The following LSM5 variants were observed in gnomAD, a reference collection of about 807,000 sequenced individuals.
LSM5 encodes the protein LSM5 homolog, U6 small nuclear RNA and mRNA degradation associated.
In LSM5, 8 loss-of-function variants were observed where a neutral mutation model predicts 13.8. That is an observed-to-expected ratio of 0.58 (90% CI 0.34 to 1.04). LSM5 has a LOEUF of 1.04. Among genes scored for constraint, LSM5 ranks in the 50% least tolerant of loss-of-function variants. The pLI is 0.03. For missense variants in LSM5, 80 were observed against 108.1 expected (o/e 0.74, Z 1.15); for synonymous variants, 35 against 37.0 (o/e 0.95, Z 0.20).
Position 32,489,355 on chromosome 7 carries a change from A to C in LSM5, c.47-11T>G. 3.5e-6 allele frequency: 5 copies of C among 1,439,122 alleles called. No homozygotes were observed. Among genetic ancestry groups the C allele is most frequent in the Non-Finnish European group, 4.9e-6 (5 of 1,028,944 alleles). 89.1% of individuals were successfully genotyped at this position (1,439,122 alleles called of 1,614,324 possible). On this transcript the variant is annotated splice_polypyrimidine_tract_variant and intron_variant, in intron 1 of 4. Transcript: ENST00000450169. ...ATTTGTCCACAAGCTCTGAGGAGGG[A>C]AAAAATATTATTTTACCATTCATTA...
chr7:32,486,376 G>C lies in LSM5; in HGVS notation c.*885C>G, dbSNP rs1311128734. 1.3e-5 allele frequency: 2 copies of C among 152,338 alleles called. No homozygotes were observed. The highest frequency in any genetic ancestry group is 2.1e-4 in the South Asian group (1 of 4,834). The allele number at this position is 152,338 out of a possible 1,614,324, so 9.4% of individuals were successfully genotyped here. A position where few individuals can be genotyped will look rare whatever the true frequency, so the allele number is the denominator to read the frequency against. On this transcript the variant is annotated 3_prime_UTR_variant, in exon 5 of 5. Transcript: ENST00000450169. ...GCAAGTAAAATAAAACGTGTACTGA[G>C]AGTGGACTGAGAAAGTCTACGAAGA...
At position 32,487,544 on chromosome 7, in the gene LSM5, C is replaced by G. The variant is rs866142679; in HGVS notation, c.243+141G>C. On this transcript the variant is annotated intron_variant, in intron 4 of 4. Coordinates refer to ENST00000450169, the MANE Select transcript of LSM5 (RefSeq NM_012322.3). ...CAATAGCTGAGCTTTAGGACCCTGA[C>G]CACAGAGAACCCCTTTCCCATCTTA... The G allele has an allele frequency of 1.2e-4, 85 of 689,780 alleles. No individual in the cohort carries two copies. In the African/African-American group the frequency reaches 1.3e-3, roughly 10 times the overall value. The allele number at this position is 689,780 out of a possible 1,614,324, so 42.7% of individuals were successfully genotyped here. A position where few individuals can be genotyped will look rare whatever the true frequency, so the allele number is the denominator to read the frequency against.
upstream of LSM5, among the ~76,000 whole-genome samples, chr7:32,493,493 TTC>T (rs1387858408): frequency 3.9e-5 from 6 of 151,970 alleles, no homozygotes. Context: ...CTTGTTCACT[TTC>T]TGTCTCAATT....
chr7:32,490,645 C>T (rs1447254118), upstream of LSM5: 2 of 478,258 alleles, frequency 4.2e-6, no homozygotes, highest in Non-Finnish European at 7.9e-6. Flanking sequence ...TAAATTGTTC[C>T]TGTAACGTTT....
upstream of LSM5, chr7:32,490,500 G>C: frequency 1.5e-6 from 1 of 680,316 alleles, no homozygotes. Flanking sequence ...CGTGGGTCGC[G>C]TTCACTGGCT....
chr7:32,490,400 T>C (rs748386828), upstream of LSM5: 7 of 1,561,666 alleles, frequency 4.5e-6, no homozygotes, highest in Non-Finnish European at 8.8e-7. Context: ...TCATTGATGG[T>C]GGGACGACTT....
At chr7:32,488,686 T>C (rs1167259837) in intron 2 of LSM5, 34 bp from the exon 3 acceptor site, 27 of 1,434,160 alleles carry the variant, frequency 1.9e-5, no homozygotes, top group Non-Finnish European at 2.5e-5. Context: ...AAATACAGAA[T>C]TTACTCTAGC....
chr7:32,487,675 T>C lies in LSM5; in HGVS notation c.243+10A>G. On this transcript the variant is annotated intron_variant, in intron 4 of 4. Transcript: ENST00000450169. ...TCCCATCAAAATAAAACAGTTTCAA[T>C]GTGTCTTACCATTGTTATATTATTT... 1 of 1,386,538 alleles carries C rather than the reference T, an allele frequency of 7.2e-7. No homozygotes were observed. The allele number at this position is 1,386,538 out of a possible 1,614,324, so 85.9% of individuals were successfully genotyped here.
chr7:32,489,167 A>G, intron 2 of LSM5, 82 bp downstream of exon 2: 1 of 690,904 alleles, frequency 1.4e-6, no homozygotes, highest in South Asian at 1.8e-5. Flanking sequence ...TATTATAATA[A>G]TCACAAATAT....
upstream of LSM5, chr7:32,490,392 A>T: frequency 6.3e-7 from 1 of 1,584,066 alleles, no homozygotes; most frequent in Non-Finnish European, 8.7e-7. Context: ...GCCTGCCTTC[A>T]TTGATGGTGG....
At position 32,489,349 on chromosome 7, in the gene LSM5, G is replaced by A. The variant is rs549629743; in HGVS notation, c.47-5C>T. 2.0e-6 allele frequency: 3 copies of A among 1,511,230 alleles called. No individual in the cohort carries two copies. Among genetic ancestry groups the A allele is most frequent in the South Asian group, 2.3e-5 (2 of 85,278 alleles). 93.6% of individuals were successfully genotyped at this position (1,511,230 alleles called of 1,614,324 possible). ...CTATACATTTGTCCACAAGCTCTGA[G>A]GAGGGAAAAAATATTATTTTACCAT... On this transcript the variant is annotated splice_region_variant and splice_polypyrimidine_tract_variant and intron_variant, in intron 1 of 4. Coordinates refer to ENST00000450169, the MANE Select transcript of LSM5 (RefSeq NM_012322.3).
upstream of LSM5, among the ~76,000 whole-genome samples, chr7:32,493,301 A>G (rs1226561977): frequency 6.6e-6 from 1 of 152,068 alleles, no homozygotes; most frequent in African/African-American, 2.4e-5. Flanking sequence ...TATTTTTTGT[A>G]GAGATGAGGT....
At chr7:32,491,723 A>G (rs913120081), upstream of LSM5, among the ~76,000 whole-genome samples, 2 of 152,228 alleles carry the variant, frequency 1.3e-5, no homozygotes, top group African/African-American at 4.8e-5. Context: ...AATCTATGAA[A>G]AGTGGTCAGC....
chr7:32,490,158 C>G, intron 1 of LSM5, 162 bp downstream of exon 1: 1 of 1,546,232 alleles, frequency 6.5e-7, no homozygotes. Context: ...CGTTAAAGAG[C>G]AGGTGCGGCC....
chr7:32,489,642 G>A (rs1161460245), intron 1 of LSM5: 2 of 323,766 alleles, frequency 6.2e-6, no homozygotes, highest in Non-Finnish European at 1.2e-5. Context: ...TATATTCACC[G>A]GAAACTCTCC....
chr7:32,490,194 G>A, intron 1 of LSM5, 126 bp downstream of exon 1: 3 of 1,575,726 alleles, frequency 1.9e-6, no homozygotes, highest in Non-Finnish European at 2.6e-6. Flanking sequence ...TTGGAGCTCA[G>A]AGTCGAACCG....
In LSM5 at chr7:32,489,254, A is replaced by G; in HGVS notation, c.137T>C (p.Phe46Ser). ...ACCACCTTTTAAAAGGATACTGACA[A>G]AGTCATCAAATCCTAGAAGAGTACC... ...IVGTLLGFDD[F>S]VNMVLEDVTE... is the part of the protein sequence containing the mutation. Residue 46 changes from phenylalanine to serine, a missense_variant, in exon 2 of 5, where the codon TTT (phenylalanine) becomes TCT (serine). Transcript: ENST00000450169. The G allele has an allele frequency of 6.4e-7, 1 of 1,569,856 alleles. No individual in the cohort carries two copies. Among genetic ancestry groups the G allele is most frequent in the Non-Finnish European group, 8.8e-7 (1 of 1,142,660 alleles).
Position 32,486,299 on chromosome 7 carries a change from TA to T in LSM5, c.*961del, listed in dbSNP as rs1786445639. ...TTGACACAGAAAGATATTCACCATT[TA>T]AATTCAAAAAATGACTTAAGTGGAG... On this transcript the variant is annotated 3_prime_UTR_variant, in exon 5 of 5. Coordinates refer to ENST00000450169, the MANE Select transcript of LSM5 (RefSeq NM_012322.3). The T allele has an allele frequency of 6.6e-6, 1 of 152,218 alleles. No individual in the cohort carries two copies. Among genetic ancestry groups the T allele is most frequent in the Non-Finnish European group, 1.5e-5 (1 of 68,044 alleles). The allele number at this position is 152,218 out of a possible 1,614,324, so 9.4% of individuals were successfully genotyped here.
chr7:32,495,165 CAA>C (rs1786714486), upstream of LSM5: 1 of 152,592 alleles, frequency 6.6e-6, no homozygotes, highest in Non-Finnish European at 1.5e-5. Context: ...AAAGAGAAGG[CAA>C]AAGAGAAGGA....
Sources: gnomAD v4.1 joint callset for allele counts (sites outside exome capture counted in the v4.1 genomes callset) on GRCh38, gnomAD v4.1.1 for gene constraint, MANE v1.5 for transcripts, NCBI Gene and HGNC (gene_info 2026-07-23, HGNC 2026-07-21) for gene names.